Variants in ZSWIM6 observed in about 807,000 individuals in gnomAD.
ZSWIM6 encodes zinc finger SWIM domain-containing protein 6.
In ZSWIM6, 9 loss-of-function variants were observed where a neutral mutation model predicts 113.2. That is an observed-to-expected ratio of 0.08 (90% CI 0.05 to 0.14). The LOEUF (loss-of-function observed/expected upper bound fraction) is 0.14, where lower values mean the gene tolerates loss of function less well. Among genes scored for constraint, ZSWIM6 ranks in the 10% least tolerant of loss-of-function variants. ZSWIM6 has a pLI of 1.00. For missense variants in ZSWIM6, 1,162 were observed against 1,552.2 expected (o/e 0.75, Z 4.22); for synonymous variants, 611 against 606.5 (o/e 1.01, Z -0.11).
chr5:61,375,266 A>C lies in ZSWIM6; in HGVS notation c.676+42318A>C, dbSNP rs1051136478. On this transcript the variant is annotated intron_variant, in intron 1 of 13. Coordinates refer to ENST00000252744, the MANE Select transcript of ZSWIM6 (RefSeq NM_020928.2). ...GTAAAAGAGCAACTAGAAAAGGAAA[A>C]GAAAGGCTCCAAGGCTTTGGCTGAA... The C allele has an allele frequency of 9.3e-6, 15 of 1,612,826 alleles. No individual in the cohort carries two copies. In the African/African-American group the frequency reaches 2.0e-4, roughly 21 times the overall value.
Position 61,531,489 on chromosome 5 carries a change from T to C in ZSWIM6, c.2009T>C (p.Leu670Pro), listed in dbSNP as rs1323927365. The C allele has an allele frequency of 6.4e-7, 1 of 1,551,602 alleles. No homozygotes were observed. Among genetic ancestry groups the C allele is most frequent in the Admixed American group, 2.0e-5 (1 of 51,004 alleles). Reference sequence around the variant, plus strand: ...GAGAATATGGGACAGTGCAAGTCTCTGGAATACCAGCATCTACCTGCACAC... The same window carrying C: ...GAGAATATGGGACAGTGCAAGTCTCCGGAATACCAGCATCTACCTGCACAC... ...FTENMGQCKS[L>P]EYQHLPAHKF... is the part of the protein sequence containing the mutation. The change falls in exon 9 of 14, where the codon CTG (leucine) becomes CCG (proline). Residue 670 changes from leucine (L) to proline (P), a missense_variant. By Grantham distance (98) the Leu-to-Pro change is moderately conservative (BLOSUM62 -3). Coordinates refer to ENST00000252744, the MANE Select transcript of ZSWIM6 (RefSeq NM_020928.2).
chr5:61,345,258 A>G (rs1031372934), intron 1 of ZSWIM6, among the ~76,000 whole-genome samples: 3 of 152,158 alleles, frequency 2.0e-5, no homozygotes, highest in African/African-American at 7.2e-5. Context: ...GTGTGTTTAG[A>G]TTTGGTTAAT....
intron 1 of ZSWIM6, among the ~76,000 whole-genome samples, chr5:61,424,199 T>C (rs900058573): frequency 6.6e-6 from 1 of 152,198 alleles, no homozygotes; most frequent in Admixed American, 6.5e-5. Flanking sequence ...AAGGAGTATC[T>C]TTTTCCATCT....
intron 1 of ZSWIM6, among the ~76,000 whole-genome samples, chr5:61,437,468 G>C (rs1230680065): frequency 1.3e-5 from 2 of 151,922 alleles, no homozygotes; most frequent in Admixed American, 1.3e-4. Context: ...CACGCCTGTA[G>C]TCCTAGCACT....
chr5:61,417,928 G>C (rs967054589), intron 1 of ZSWIM6, among the ~76,000 whole-genome samples: 1 of 152,146 alleles, frequency 6.6e-6, no homozygotes, highest in African/African-American at 2.4e-5. Flanking sequence ...GATATCACAG[G>C]ATGGTAGAGT....
At chr5:61,526,202 G>T in intron 6 of ZSWIM6, 48 bp from the exon 7 acceptor site, 1 of 1,509,626 alleles carries the variant, frequency 6.6e-7, no homozygotes, top group Admixed American at 2.5e-5. Flanking sequence ...CTTTTTTTAT[G>T]GATATATCTG....
In ZSWIM6 at chr5:61,468,490, G is replaced by T. The variant is rs546461256; in HGVS notation, c.677-4191G>T. On this transcript the variant is annotated intron_variant, in intron 1 of 13. Transcript: ENST00000252744. ...TATCTGTGTTTTTCCACAGAGCGCAGGATTGTCCCTTTTTGTATGCTCAAT... is the reference window on the plus strand; with the variant it reads ...TATCTGTGTTTTTCCACAGAGCGCATGATTGTCCCTTTTTGTATGCTCAAT... 1.1e-4 allele frequency among the ~76,000 whole-genome samples: 16 copies of T among 152,308 alleles called. No homozygotes were observed. The South Asian group carries it at 2.1e-3, about 20-fold the overall frequency.
chr5:61,407,994 C>T (rs551239334), intron 1 of ZSWIM6, among the ~76,000 whole-genome samples: 4 of 152,068 alleles, frequency 2.6e-5, no homozygotes, highest in Admixed American at 1.3e-4. Context: ...AGCAATTTCC[C>T]ATCTAGGAAT....
At chr5:61,522,347 T>G (rs1749156183) in intron 5 of ZSWIM6, among the ~76,000 whole-genome samples, 1 of 152,200 alleles carries the variant, frequency 6.6e-6, no homozygotes, top group Non-Finnish European at 1.5e-5. Context: ...ATTTGAAAGA[T>G]TTTAAAGTCA....
chr5:61,411,987 T>A (rs936240582), intron 1 of ZSWIM6, among the ~76,000 whole-genome samples: 2 of 152,170 alleles, frequency 1.3e-5, no homozygotes, highest in African/African-American at 4.8e-5. Context: ...CTAATACCGA[T>A]CAAATAACCA....
intron 5 of ZSWIM6, among the ~76,000 whole-genome samples, chr5:61,523,287 A>G (rs1355027734): frequency 6.6e-6 from 1 of 152,222 alleles, no homozygotes; most frequent in Non-Finnish European, 1.5e-5. Context: ...CACACAGTAT[A>G]GGCCATGGAC....
chr5:61,538,839 C>G lies in ZSWIM6; in HGVS notation c.2407C>G (p.Pro803Ala), dbSNP rs1318799713. ...MRLLVLESTA[P>A]SGDLTRPHHI... is the part of the protein sequence containing the mutation. ...GTTACTAGTATTGGAATCTACTGCT[C>G]CATCAGGAGACCTCACCCGCCCACA... The change falls in exon 11 of 14, where the codon CCA becomes GCA. Residue 803 changes from proline to alanine, a missense_variant. Around this residue, in one of 4 missense-constraint regions of ZSWIM6, gnomAD observed 620 missense variants for 804.6 expected, o/e 0.77. Coordinates refer to ENST00000252744, the MANE Select transcript of ZSWIM6 (RefSeq NM_020928.2). 1.3e-6 allele frequency: 2 copies of G among 1,551,902 alleles called. No individual in the cohort carries two copies. Among genetic ancestry groups the G allele is most frequent in the Non-Finnish European group, 1.7e-6 (2 of 1,147,004 alleles).
At chr5:61,338,750 G>A (rs1457067823) in intron 1 of ZSWIM6, among the ~76,000 whole-genome samples, 2 of 152,102 alleles carry the variant, frequency 1.3e-5, no homozygotes, top group East Asian at 3.9e-4. Context: ...TTAATTTCTT[G>A]CAACTCAGTT....
At chr5:61,420,590 G>A (rs955903248) in intron 1 of ZSWIM6, among the ~76,000 whole-genome samples, 5 of 152,136 alleles carry the variant, frequency 3.3e-5, no homozygotes, top group African/African-American at 7.2e-5. Flanking sequence ...CTGCCGGGGA[G>A]TGGTGGTAGA....
chr5:61,529,243 A>G (rs1749367228), intron 7 of ZSWIM6, among the ~76,000 whole-genome samples: 1 of 152,222 alleles, frequency 6.6e-6, no homozygotes, highest in South Asian at 2.1e-4. Flanking sequence ...ATTATTTATT[A>G]CTTTAGTAAA....
intron 1 of ZSWIM6, among the ~76,000 whole-genome samples, chr5:61,379,185 GA>G (rs1211778480): frequency 0.012 from 458 of 38,568 alleles, 3 homozygotes; most frequent in Admixed American, 0.044. Flanking sequence ...TCCTGTCTCT[GA>G]AAAAAAAAAA....
At chr5:61,524,160 A>G (rs1419341491) in intron 5 of ZSWIM6, among the ~76,000 whole-genome samples, 1 of 152,212 alleles carries the variant, frequency 6.6e-6, no homozygotes, top group African/African-American at 2.4e-5. Context: ...GAAACATTTG[A>G]TCAATTGACT....
chr5:61,363,152 A>AG (rs35484159), intron 1 of ZSWIM6, among the ~76,000 whole-genome samples: 1 of 152,182 alleles, frequency 6.6e-6, no homozygotes, highest in Non-Finnish European at 1.5e-5. Context: ...CCCACCCCAC[A>AG]GGGGGCACTG....
chr5:61,334,144 G>A (rs529799743), intron 1 of ZSWIM6, among the ~76,000 whole-genome samples: 1 of 152,230 alleles, frequency 6.6e-6, no homozygotes, highest in Non-Finnish European at 1.5e-5. Context: ...ATTTAGAGCT[G>A]CACAGCCTTC....
Sources: allele counts gnomAD v4.1 joint callset (sites outside exome capture counted in the v4.1 genomes callset), GRCh38; gene constraint gnomAD v4.1.1; regional missense constraint gnomAD v4.1.1; transcripts MANE v1.5; gene names NCBI Gene and HGNC (gene_info 2026-07-23, HGNC 2026-07-21).